The following TRIM71 variants were observed in gnomAD, a reference collection of about 807,000 sequenced individuals.
TRIM71 encodes tripartite motif containing 71, also known as E3 ubiquitin-protein ligase TRIM71.
In TRIM71, 9 loss-of-function variants were observed where a neutral mutation model predicts 61.2. The observed-to-expected ratio is 0.15, with a 90% CI of 0.09 to 0.26. The LOEUF (loss-of-function observed/expected upper bound fraction) is 0.26. TRIM71 is among the 10% of genes least tolerant of loss of function. The pLI, the probability that TRIM71 is intolerant of heterozygous loss-of-function variation, is 1.00. For missense variants in TRIM71, 998 were observed against 1,238.7 expected, an observed-to-expected ratio of 0.81 and a Z score of 2.92; for synonymous variants, 645 against 553.2, an observed-to-expected ratio of 1.17 and a Z score of -2.33.
intron 1 of TRIM71, among the ~76,000 whole-genome samples, chr3:32,833,183 T>TA (rs1696293408): frequency 2.6e-5 from 1 of 39,100 alleles, no homozygotes. Flanking sequence ...AACTCTGTCT[T>TA]TAAAAAAAAA....
At chr3:32,857,165 C>T (rs1190053836) in intron 1 of TRIM71, among the ~76,000 whole-genome samples, 1 of 152,216 alleles carries the variant, frequency 6.6e-6, no homozygotes, top group East Asian at 1.9e-4. Flanking sequence ...CCTGGGTCCC[C>T]TGTTCCCTCT....
At chr3:32,827,577 G>T (rs1265659517) in intron 1 of TRIM71, among the ~76,000 whole-genome samples, 3 of 152,148 alleles carry the variant, frequency 2.0e-5, no homozygotes, top group Admixed American at 6.5e-5. Context: ...GATAATTCTT[G>T]ATTGTGATCA....
rs1184773794 is a variant in TRIM71, at chr3:32,897,749, C to T, written c.*5938C>T. 1 of 152,132 alleles carries T rather than the reference C, an allele frequency of 6.6e-6. No individual in the cohort carries two copies. The highest frequency in any genetic ancestry group is 1.5e-5 in the Non-Finnish European group (1 of 68,020). 9.4% of individuals were successfully genotyped at this position (152,132 alleles called of 1,614,324 possible). Reference sequence around the variant, plus strand: ...CAGCCTTAAAACAAAGTTGGTGTCTCTTTGGACTTTAAAATTGTTCCTATG... The same window carrying T: ...CAGCCTTAAAACAAAGTTGGTGTCTTTTTGGACTTTAAAATTGTTCCTATG... On this transcript the variant is annotated 3_prime_UTR_variant, in exon 4 of 4. Coordinates refer to ENST00000383763, the MANE Select transcript of TRIM71 (RefSeq NM_001039111.3).
chr3:32,824,199 T>TG (rs1248087373), intron 1 of TRIM71, among the ~76,000 whole-genome samples: 1 of 152,204 alleles, frequency 6.6e-6, no homozygotes, highest in Admixed American at 6.5e-5. Context: ...TTTTCTGAGA[T>TG]GGAGTTTCAC....
At chr3:32,854,918 G>C (rs957487424) in intron 1 of TRIM71, among the ~76,000 whole-genome samples, 1 of 152,098 alleles carries the variant, frequency 6.6e-6, no homozygotes, top group Non-Finnish European at 1.5e-5. Flanking sequence ...CCTTACCCAC[G>C]GTCAGCCACA....
At chr3:32,875,197 T>C (rs527874229) in intron 2 of TRIM71, among the ~76,000 whole-genome samples, 1 of 152,332 alleles carries the variant, frequency 6.6e-6, no homozygotes, top group South Asian at 2.1e-4. Flanking sequence ...CAGAATGTTA[T>C]GTGAGGTTCG....
intron 1 of TRIM71, among the ~76,000 whole-genome samples, chr3:32,838,837 G>GC (rs1696370581): frequency 2.0e-5 from 3 of 151,752 alleles, no homozygotes; most frequent in Admixed American, 2.0e-4. Context: ...GTCTCGCTCT[G>GC]TCACCCAAGT....
In TRIM71 at chr3:32,818,500, G is replaced by C. The variant is rs750040376; in HGVS notation, c.420G>C (p.Pro140=). The C allele has an allele frequency of 1.4e-6, 2 of 1,420,136 alleles. No homozygotes were observed. Among genetic ancestry groups the C allele is most frequent in the Admixed American group, 2.9e-5 (1 of 34,038 alleles). The allele number at this position is 1,420,136 out of a possible 1,614,324, so 88.0% of individuals were successfully genotyped here. A position where few individuals can be genotyped will look rare whatever the true frequency, so the allele number is the denominator to read the frequency against. The change falls in exon 1 of 4, where the codon CCG becomes CCC. Residue 140 remains proline (P), a synonymous_variant. Coordinates refer to ENST00000383763, the MANE Select transcript of TRIM71 (RefSeq NM_001039111.3). ...CCAAGAACGGGCGCGCCGGCGCTCC[G>C]GCGGGAGCGGGCGGCCACAGCAACC... ...PPPKNGRAGA[P]AGAGGHSNHR...
chr3:32,842,427 T>C (rs1051267620), intron 1 of TRIM71, among the ~76,000 whole-genome samples: 7 of 152,210 alleles, frequency 4.6e-5, no homozygotes, highest in Admixed American at 3.9e-4. Flanking sequence ...AAATTGAGTA[T>C]GATGGGGTTG....
At chr3:32,872,265 C>T (rs748550929) in intron 1 of TRIM71, among the ~76,000 whole-genome samples, 3 of 152,096 alleles carry the variant, frequency 2.0e-5, no homozygotes, top group African/African-American at 7.2e-5. Flanking sequence ...GTTTCTGAAT[C>T]GTAAAGTTTC....
At chr3:32,867,429 G>T (rs779932534) in intron 1 of TRIM71, among the ~76,000 whole-genome samples, 3 of 151,790 alleles carry the variant, frequency 2.0e-5, no homozygotes, top group Admixed American at 2.0e-4. Flanking sequence ...ACAAAAATTT[G>T]TGTGTGTGTG....
rs1259822734 is a variant in TRIM71, at chr3:32,894,907, G to A, written c.*3096G>A. ...TAAGGTCCTGGGTATTATGAGGTAG[G>A]AGAATAAAAAGGTTTCTGGGGAGTA... On this transcript the variant is annotated 3_prime_UTR_variant, in exon 4 of 4. Transcript: ENST00000383763. 6.6e-6 allele frequency: 1 copy of A among 152,160 alleles called. No homozygotes were observed. The highest frequency in any genetic ancestry group is 2.4e-5 in the African/African-American group (1 of 41,436). 9.4% of individuals were successfully genotyped at this position (152,160 alleles called of 1,614,324 possible). A position where few individuals can be genotyped will look rare whatever the true frequency, so the allele number is the denominator to read the frequency against.
chr3:32,853,244 G>A (rs1696559690), intron 1 of TRIM71, among the ~76,000 whole-genome samples: 4 of 151,850 alleles, frequency 2.6e-5, no homozygotes, highest in South Asian at 4.2e-4. Flanking sequence ...AGCCTCCCGA[G>A]TAGCTGGGAT....
intron 1 of TRIM71, among the ~76,000 whole-genome samples, chr3:32,831,493 A>G (rs934402399): frequency 6.6e-5 from 10 of 151,294 alleles, no homozygotes; most frequent in African/African-American, 2.4e-4. Context: ...GCAGCCAAAC[A>G]GCTAGTTTCT....
intron 1 of TRIM71, among the ~76,000 whole-genome samples, chr3:32,844,644 T>C (rs979064798): frequency 2.6e-5 from 4 of 152,174 alleles, no homozygotes; most frequent in African/African-American, 7.2e-5. Flanking sequence ...TCATTTTAAA[T>C]GATATCTCCT....
intron 1 of TRIM71, among the ~76,000 whole-genome samples, chr3:32,840,041 G>A (rs979937201): frequency 2.0e-5 from 3 of 152,212 alleles, no homozygotes; most frequent in African/African-American, 7.2e-5. Context: ...TTCAGAGCAA[G>A]AGAGAACCTT....
At chr3:32,875,895 A>G (rs1356564364) in intron 2 of TRIM71, among the ~76,000 whole-genome samples, 2 of 152,204 alleles carry the variant, frequency 1.3e-5, no homozygotes, top group African/African-American at 4.8e-5. Flanking sequence ...CAGAAGAGGG[A>G]GGATTTGATT....
At chr3:32,837,588 G>A (rs1696349460) in intron 1 of TRIM71, among the ~76,000 whole-genome samples, 1 of 152,118 alleles carries the variant, frequency 6.6e-6, no homozygotes, top group African/African-American at 2.4e-5. Flanking sequence ...GGGAAGCCAA[G>A]GTGGACGAAT....
At chr3:32,825,715 A>G (rs1402737798) in intron 1 of TRIM71, among the ~76,000 whole-genome samples, 1 of 152,206 alleles carries the variant, frequency 6.6e-6, no homozygotes, top group Admixed American at 6.5e-5. Flanking sequence ...ATAATGATAA[A>G]GAATTACAGT....
Sources: gnomAD v4.1 joint callset for allele counts (sites outside exome capture counted in the v4.1 genomes callset) on GRCh38, gnomAD v4.1.1 for gene constraint, MANE v1.5 for transcripts, NCBI Gene and HGNC (gene_info 2026-07-23, HGNC 2026-07-21) for gene names.